TEF: variants seen among roughly 807,000 people sequenced by gnomAD.
The protein encoded by TEF is thyrotroph embryonic factor.
A neutral mutation model predicts 20.8 loss-of-function variants in TEF; 3 were observed. The observed-to-expected ratio is 0.14, with a 90% confidence interval of 0.07 to 0.37. TEF has a LOEUF of 0.37. Among genes scored for constraint, TEF ranks in the 10% least tolerant of loss-of-function variants. TEF has a pLI of 1.00. For missense variants in TEF, 296 were observed against 397.9 expected (o/e 0.74, Z 2.18); for synonymous variants, 180 against 171.1 (o/e 1.05, Z -0.41).
rs566149417 is a variant in TEF, at chr22:41,370,271, C to T, written c.67+2672C>T. 5.9e-5 allele frequency among the ~76,000 whole-genome samples: 9 copies of T among 152,052 alleles called. No homozygotes were observed. In the East Asian group the frequency reaches 7.7e-4, roughly 13 times the overall value. On this transcript the variant is annotated intron_variant, in intron 1 of 3. Transcript: ENST00000406644. ...CTGGGACTACAGGCGCCCGCCACCA[C>T]GCCAGGCTAATTTTTGTATTTTTAG...
At chr22:41,394,394 T>G in intron 3 of TEF, 78 bp downstream of exon 3, 1 of 1,370,652 alleles carries the variant, frequency 7.3e-7, no homozygotes, top group Non-Finnish European at 9.9e-7. Flanking sequence ...GCATTTGATT[T>G]TATCTGGAGA....
chr22:41,368,450 T>C (rs1241472117), intron 1 of TEF, among the ~76,000 whole-genome samples: 1 of 152,022 alleles, frequency 6.6e-6, no homozygotes, highest in African/African-American at 2.4e-5. Context: ...CAGCACCTGC[T>C]ACCTAGCATC....
chr22:41,390,098 C>G (rs2037148164), intron 2 of TEF, among the ~76,000 whole-genome samples: 2 of 152,094 alleles, frequency 1.3e-5, no homozygotes, highest in Admixed American at 1.3e-4. Flanking sequence ...GCCATGTTGG[C>G]CAGGTTGGTC....
intron 2 of TEF, among the ~76,000 whole-genome samples, chr22:41,392,875 A>G (rs1336155081): frequency 6.6e-6 from 1 of 151,830 alleles, no homozygotes; most frequent in East Asian, 1.9e-4. Context: ...TGTCTCTACT[A>G]AAAATACAAA....
At chr22:41,379,018 G>C (rs2036981164), upstream of TEF, among the ~76,000 whole-genome samples, 1 of 152,216 alleles carries the variant, frequency 6.6e-6, no homozygotes, top group Non-Finnish European at 1.5e-5. Flanking sequence ...GTTTGCAACT[G>C]TGCGCCTACG....
At chr22:41,375,353 G>C (rs2036927506) in intron 1 of TEF, among the ~76,000 whole-genome samples, 2 of 152,232 alleles carry the variant, frequency 1.3e-5, no homozygotes, top group Admixed American at 1.3e-4. Flanking sequence ...AAGGAGAGCT[G>C]CTGGCAAGGC....
At chr22:41,379,750 G>A (rs376295492), upstream of TEF, among the ~76,000 whole-genome samples, 4 of 151,366 alleles carry the variant, frequency 2.6e-5, no homozygotes, top group African/African-American at 4.9e-5. Context: ...AAAATTAGCC[G>A]GGCGTGGTGA....
At chr22:41,385,343 A>G (rs1433497683) in intron 1 of TEF, among the ~76,000 whole-genome samples, 1 of 152,138 alleles carries the variant, frequency 6.6e-6, no homozygotes, top group Non-Finnish European at 1.5e-5. Context: ...CTGGGCAACA[A>G]GAGCGAAACT....
chr22:41,392,670 C>CAAAA (rs920294546), intron 2 of TEF, among the ~76,000 whole-genome samples: 7 of 39,322 alleles, frequency 1.8e-4, no homozygotes, highest in Non-Finnish European at 2.3e-4. Flanking sequence ...TGAGACTCTT[C>CAAAA]AAAAAAAAAA....
Position 41,396,604 on chromosome 22 carries a change from G to T in TEF, c.*644G>T. ...GTGTGCCCAGCGTTTCTCGGCTCCC[G>T]CACCCCTTTTCCCTTATGGCTCTGA... is the stretch of plus-strand genomic sequence containing the variant. On this transcript the variant is annotated 3_prime_UTR_variant, in exon 4 of 4. Transcript: ENST00000266304. 1 of 215,292 alleles carries T rather than the reference G, an allele frequency of 4.6e-6. No homozygotes were observed. Among genetic ancestry groups the T allele is most frequent in the Non-Finnish European group, 9.1e-6 (1 of 110,028 alleles). 13.3% of individuals were successfully genotyped at this position (215,292 alleles called of 1,614,324 possible).
chr22:41,387,749 T>G, intron 2 of TEF, 81 bp downstream of exon 2: 1 of 1,403,966 alleles, frequency 7.1e-7, no homozygotes, highest in Non-Finnish European at 9.7e-7. Flanking sequence ...TGTGTCCATG[T>G]ACCCAGTGAG....
At chr22:41,370,491 T>A (rs1268909406) in intron 1 of TEF, among the ~76,000 whole-genome samples, 1 of 139,316 alleles carries the variant, frequency 7.2e-6, no homozygotes, top group Non-Finnish European at 1.6e-5. Context: ...CAGCTCACTG[T>A]AACCTCCACC....
At chr22:41,380,583 G>C (rs951012075), upstream of TEF, among the ~76,000 whole-genome samples, 4 of 152,172 alleles carry the variant, frequency 2.6e-5, no homozygotes, top group African/African-American at 9.7e-5. Flanking sequence ...TAGAAGGGCT[G>C]GGCCACTGTA....
chr22:41,374,050 C>T (rs912894791), intron 1 of TEF, among the ~76,000 whole-genome samples: 1 of 152,102 alleles, frequency 6.6e-6, no homozygotes, highest in Non-Finnish European at 1.5e-5. Context: ...GCATGAGCCA[C>T]CGCGCCCAGC....
intron 2 of TEF, among the ~76,000 whole-genome samples, chr22:41,392,256 A>C (rs1243782464): frequency 6.6e-6 from 1 of 152,204 alleles, no homozygotes; most frequent in Non-Finnish European, 1.5e-5. Context: ...GGCAGGGAAG[A>C]ACAAGGAATC....
At chr22:41,383,456 C>T (rs1277410619) in intron 1 of TEF, among the ~76,000 whole-genome samples, 1 of 152,210 alleles carries the variant, frequency 6.6e-6, no homozygotes, top group Non-Finnish European at 1.5e-5. Flanking sequence ...AACAAGAATT[C>T]TACCCGATAT....
In TEF at chr22:41,385,510, G is replaced by A. The variant is rs572288853; in HGVS notation, c.158-1841G>A. 2.0e-5 allele frequency among the ~76,000 whole-genome samples: 3 copies of A among 152,250 alleles called. No homozygotes were observed. The South Asian group carries it at 6.2e-4, about 32-fold the overall frequency. ...TGGCAAAAATGGGACTCCTCCCTGGGCTGGGTTGCTGTGGAGAAGCATAAC... is the reference window on the plus strand; with the variant it reads ...TGGCAAAAATGGGACTCCTCCCTGGACTGGGTTGCTGTGGAGAAGCATAAC... On this transcript the variant is annotated intron_variant, in intron 1 of 3. Transcript: ENST00000266304.
At chr22:41,392,734 G>A (rs1158803325) in intron 2 of TEF, among the ~76,000 whole-genome samples, 1 of 148,140 alleles carries the variant, frequency 6.8e-6, no homozygotes, top group African/African-American at 2.5e-5. Context: ...ACATGTCTCA[G>A]GGACTCAAAA....
chr22:41,381,381 T>A (rs2037019078), upstream of TEF, among the ~76,000 whole-genome samples: 1 of 146,210 alleles, frequency 6.8e-6, no homozygotes, highest in Non-Finnish European at 1.5e-5. Context: ...CTCCATTGGC[T>A]GTTCCCGCGC....
Sources: gnomAD v4.1 joint callset for allele counts (sites outside exome capture counted in the v4.1 genomes callset) on GRCh38, gnomAD v4.1.1 for gene constraint, MANE v1.5 for transcripts, NCBI Gene and HGNC (gene_info 2026-07-23, HGNC 2026-07-21) for gene names.